ANK3: variants seen among roughly 807,000 people sequenced by gnomAD.
ANK3 encodes the protein ankyrin-3.
Under a neutral mutation model 370.9 loss-of-function variants are expected in ANK3, and 57 were observed. The observed-to-expected ratio is 0.15, with a 90% CI of 0.12 to 0.19. The LOEUF is 0.19. Ranked by LOEUF, ANK3 falls within the 10% of genes least tolerant of loss-of-function variation. The probability of loss-of-function intolerance (pLI) is 1.00; values close to 1 mark genes in which losing one functional copy is unlikely to be tolerated. For synonymous variants in ANK3, 1,929 were observed against 1,946.3 expected (o/e 0.99, Z 0.23); for missense variants, 4,439 against 5,302.1 (o/e 0.84, Z 5.06).
rs889398578 is a variant in ANK3, at chr10:60,626,274, C to A, written c.58-11050G>T. ...ATATATTTACTGTATTGCAATATCA[C>A]AGTTTTAAGACATTTTAAAAAACAA... On this transcript the variant is annotated intron_variant, in intron 1 of 43. Transcript: ENST00000373827. Among the ~76,000 whole-genome samples the A allele has an allele frequency of 2.0e-5, 3 of 152,218 alleles. No homozygotes were observed. In the East Asian group the frequency reaches 5.8e-4, roughly 29 times the overall value.
Position 60,302,987 on chromosome 10 carries a change from G to A in ANK3, c.115-23348C>T, listed in dbSNP as rs543058678. Among the ~76,000 whole-genome samples, 73 of 152,224 alleles carry A rather than the reference G, an allele frequency of 4.8e-4. 1 individual carries two copies. The South Asian group carries it at 0.015, about 30-fold the overall frequency. Reference sequence around the variant, plus strand: ...AATAGTCTCCTCAGTAAATGGTGCTGGGAAACCAGGATATCCACATGCAGA... The same window carrying A: ...AATAGTCTCCTCAGTAAATGGTGCTAGGAAACCAGGATATCCACATGCAGA... On this transcript the variant is annotated intron_variant, in intron 1 of 43. Transcript: ENST00000280772.
chr10:60,334,514 C>G (rs2052311715), intron 1 of ANK3, among the ~76,000 whole-genome samples: 1 of 152,036 alleles, frequency 6.6e-6, no homozygotes, highest in Non-Finnish European at 1.5e-5. Flanking sequence ...GCTGGAAGAC[C>G]CAGATGAGTT....
At chr10:60,548,290 C>A (rs1447703760) in intron 2 of ANK3, among the ~76,000 whole-genome samples, 1 of 137,824 alleles carries the variant, frequency 7.3e-6, no homozygotes, top group African/African-American at 2.7e-5. Flanking sequence ...CGGCTCACTG[C>A]AACTTCTGCC....
At chr10:60,151,849 T>G (rs1466896428) in intron 23 of ANK3, among the ~76,000 whole-genome samples, 2 of 152,228 alleles carry the variant, frequency 1.3e-5, no homozygotes, top group African/African-American at 2.4e-5. Context: ...TGATGTTGTG[T>G]GACCTTAATC....
intron 1 of ANK3, among the ~76,000 whole-genome samples, chr10:60,716,094 C>G (rs1219701287): frequency 6.6e-6 from 1 of 151,996 alleles, no homozygotes; most frequent in Admixed American, 6.6e-5. Context: ...TACCTATTAC[C>G]AGACATGAAT....
At chr10:60,316,954 G>A (rs1022415644) in intron 1 of ANK3, among the ~76,000 whole-genome samples, 1 of 152,056 alleles carries the variant, frequency 6.6e-6, no homozygotes, top group Non-Finnish European at 1.5e-5. Flanking sequence ...CACCGTGTTA[G>A]CCAGGATGGT....
At chr10:60,483,660 T>C (rs2075279871) in intron 2 of ANK3, among the ~76,000 whole-genome samples, 1 of 152,234 alleles carries the variant, frequency 6.6e-6, no homozygotes, top group Admixed American at 6.5e-5. Context: ...CATATTTTGT[T>C]AGGCTTTCGC....
At chr10:60,586,355 A>G (rs1386787365) in intron 2 of ANK3, among the ~76,000 whole-genome samples, 1 of 152,200 alleles carries the variant, frequency 6.6e-6, no homozygotes, top group Non-Finnish European at 1.5e-5. Context: ...CTCATAATGT[A>G]TACCCAACAG....
intron 2 of ANK3, among the ~76,000 whole-genome samples, chr10:60,561,531 A>G (rs888532161): frequency 6.6e-6 from 1 of 152,226 alleles, no homozygotes; most frequent in Non-Finnish European, 1.5e-5. Context: ...AGGATGCTGT[A>G]CTGTTCAGGT....
intron 1 of ANK3, among the ~76,000 whole-genome samples, chr10:60,690,276 G>A (rs909783524): frequency 6.6e-6 from 1 of 152,080 alleles, no homozygotes; most frequent in Non-Finnish European, 1.5e-5. Flanking sequence ...GAAGCAGGGC[G>A]GGGCATCACC....
chr10:60,250,887 A>C (rs2097653111), intron 7 of ANK3, among the ~76,000 whole-genome samples: 1 of 152,218 alleles, frequency 6.6e-6, no homozygotes. Context: ...GCCAGAACAC[A>C]AGAGGCTGCT....
chr10:60,599,748 G>A lies in ANK3; in HGVS notation c.96+15438C>T, dbSNP rs988468269. Among the ~76,000 whole-genome samples the A allele has an allele frequency of 7.2e-5, 11 of 151,982 alleles. No individual in the cohort carries two copies. The South Asian group carries it at 8.3e-4, about 11-fold the overall frequency. ...TAGAAGATTATTTTAAAACACTCAC[G>A]TTTTTTAAAACTCATGTCCCTCTCC... On this transcript the variant is annotated intron_variant, in intron 2 of 43. Transcript: ENST00000373827.
At chr10:60,551,344 G>A (rs2077084197) in intron 2 of ANK3, among the ~76,000 whole-genome samples, 2 of 152,054 alleles carry the variant, frequency 1.3e-5, no homozygotes, top group Admixed American at 6.6e-5. Flanking sequence ...GAATCCAAGT[G>A]AGAACCAATT....
At chr10:60,322,649 T>A (rs559000697) in intron 1 of ANK3, among the ~76,000 whole-genome samples, 2 of 152,342 alleles carry the variant, frequency 1.3e-5, no homozygotes, top group South Asian at 4.1e-4. Flanking sequence ...TTTTTTTGTG[T>A]GTTTAATGTA....
At chr10:60,328,910 T>C (rs951779894) in intron 1 of ANK3, among the ~76,000 whole-genome samples, 3 of 152,120 alleles carry the variant, frequency 2.0e-5, no homozygotes, top group Non-Finnish European at 2.9e-5. Context: ...CCAAATCCAG[T>C]AGCACACCAA....
intron 28 of ANK3, among the ~76,000 whole-genome samples, chr10:60,089,987 T>C (rs1000283012): frequency 2.6e-5 from 4 of 152,108 alleles, no homozygotes; most frequent in Non-Finnish European, 5.9e-5. Flanking sequence ...TTATTGTATA[T>C]AAATAAAAAA....
At chr10:60,058,336 G>C (rs922441054) in intron 41 of ANK3, among the ~76,000 whole-genome samples, 5 of 152,130 alleles carry the variant, frequency 3.3e-5, no homozygotes, top group African/African-American at 7.2e-5. Context: ...GCCAGTATAA[G>C]AATTAACCAA....
chr10:60,728,880 C>T (rs1190614948), intron 1 of ANK3, among the ~76,000 whole-genome samples: 1 of 152,148 alleles, frequency 6.6e-6, no homozygotes, highest in East Asian at 1.9e-4. Context: ...GGTAACAATA[C>T]TTACCCTCTA....
intron 9 of ANK3, among the ~76,000 whole-genome samples, chr10:60,208,986 C>CG (rs765984089): frequency 1.3e-5 from 2 of 151,984 alleles, no homozygotes; most frequent in African/African-American, 4.8e-5. Context: ...GCAGTAGGAG[C>CG]GAGTTGAAAA....
Sources: gnomAD v4.1 joint callset for allele counts (sites outside exome capture counted in the v4.1 genomes callset) on GRCh38, gnomAD v4.1.1 for gene constraint, MANE v1.5 for transcripts, NCBI Gene and HGNC (gene_info 2026-07-23, HGNC 2026-07-21) for gene names.